Variants in MRPL33 observed in about 807,000 individuals in gnomAD.
MRPL33 encodes mitochondrial ribosomal protein L33, also known as large ribosomal subunit protein bL33m.
A neutral mutation model predicts 10.1 loss-of-function variants in MRPL33; 5 were observed. The ratio of observed to expected loss-of-function variants is 0.49; its 90% CI spans 0.26 to 1.04. The LOEUF (loss-of-function observed/expected upper bound fraction) is 1.04, where lower values mean the gene tolerates loss of function less well. Ranked by LOEUF, MRPL33 falls within the 50% of genes least tolerant of loss-of-function variation. MRPL33 has a pLI of 0.14. For missense variants in MRPL33, 79 were observed against 78.1 expected (o/e 1.01, Z -0.04); for synonymous variants, 24 against 27.7 (o/e 0.87, Z 0.42).
chr2:27,776,143 TAGTTCA>T (rs1407264470), intron 3 of MRPL33, among the ~76,000 whole-genome samples: 1 of 152,282 alleles, frequency 6.6e-6, no homozygotes, highest in Non-Finnish European at 1.5e-5. Flanking sequence ...GTTCTGATCA[TAGTTCA>T]AAGTGGGAGA....
chr2:27,774,407 G>A lies in MRPL33; in HGVS notation c.42-17G>A, dbSNP rs200575778. ...ATTTCGTCAGCTCGTACATAACAGC[G>A]TACTTTTTAATCTTAGAAACATTCT... On this transcript the variant is annotated splice_polypyrimidine_tract_variant and intron_variant, in intron 2 of 3. Coordinates refer to ENST00000296102, the MANE Select transcript of MRPL33 (RefSeq NM_004891.4). 8.5e-5 allele frequency: 136 copies of A among 1,605,266 alleles called. No homozygotes were observed. In the Admixed American group the frequency reaches 2.0e-3, roughly 23 times the overall value.
chr2:27,778,559 T>C (rs1258579337), intron 3 of MRPL33, among the ~76,000 whole-genome samples: 5 of 144,888 alleles, frequency 3.5e-5, no homozygotes, highest in Admixed American at 6.9e-5. Flanking sequence ...CAATCTTTTC[T>C]TTTTTTTTTT....
In MRPL33 at chr2:27,773,713, A is replaced by G. The variant is rs140829298; in HGVS notation, c.42-711A>G. Among the ~76,000 whole-genome samples, 186 of 152,364 alleles carry G rather than the reference A, an allele frequency of 1.2e-3. 1 individual carries two copies. The highest frequency in any genetic ancestry group is 4.2e-3 in the African/African-American group (173 of 41,590). ...TTGTCTATCTTAATTACAAACAAATACTGTATGCCTCTTATGAGGCACTGT... is the reference window on the plus strand; with the variant it reads ...TTGTCTATCTTAATTACAAACAAATGCTGTATGCCTCTTATGAGGCACTGT... On this transcript the variant is annotated intron_variant, in intron 2 of 3. Transcript: ENST00000296102.
chr2:27,778,084 A>G (rs1275148561), intron 3 of MRPL33, among the ~76,000 whole-genome samples: 2 of 152,204 alleles, frequency 1.3e-5, no homozygotes, highest in African/African-American at 4.8e-5. Context: ...AATATCATAG[A>G]TAAATTCTGT....
chr2:27,774,560 G>A, intron 3 of MRPL33, 30 bp downstream of exon 3: 1 of 1,568,640 alleles, frequency 6.4e-7, no homozygotes, highest in East Asian at 2.2e-5. Context: ...ATGCTTCCAA[G>A]GCCTGTTGCC....
intron 3 of MRPL33, among the ~76,000 whole-genome samples, chr2:27,774,893 G>T (rs775680913): frequency 1.3e-5 from 2 of 152,202 alleles, no homozygotes; most frequent in African/African-American, 2.4e-5. Context: ...ATAGTTAACC[G>T]AGACCTGAAG....
At chr2:27,777,219 G>T (rs1379942416) in intron 3 of MRPL33, among the ~76,000 whole-genome samples, 1 of 151,964 alleles carries the variant, frequency 6.6e-6, no homozygotes, top group Non-Finnish European at 1.5e-5. Context: ...TTTTTGTACA[G>T]TGTCTTCTGT....
At chr2:27,776,136 C>G (rs1335818978) in intron 3 of MRPL33, among the ~76,000 whole-genome samples, 1 of 152,222 alleles carries the variant, frequency 6.6e-6, no homozygotes, top group Non-Finnish European at 1.5e-5. Context: ...ATAAACAGTT[C>G]TGATCATAGT....
In MRPL33 at chr2:27,772,666, CA is replaced by C; in HGVS notation, c.23-2del. The stretch of plus-strand genomic sequence containing the variant: ...TTTCTTTTCCAACCCTTCCTGTCTA[CA>C]AAAAAGTTGCCAAGAGCAAGTCAAA... On this transcript the variant is annotated splice_region_variant and splice_polypyrimidine_tract_variant and intron_variant, in intron 1 of 3. Coordinates refer to ENST00000296102, the MANE Select transcript of MRPL33 (RefSeq NM_004891.4). 2 of 1,595,554 alleles carry C rather than the reference CA, an allele frequency of 1.3e-6. No homozygotes were observed. The highest frequency in any genetic ancestry group is 1.3e-5 in the African/African-American group (1 of 74,582).
At chr2:27,774,580 G>A in intron 3 of MRPL33, 50 bp downstream of exon 3, 1 of 1,439,564 alleles carries the variant, frequency 6.9e-7, no homozygotes, top group Non-Finnish European at 9.8e-7. Context: ...CCCCTTTGTA[G>A]GCTGAACATC....
At chr2:27,774,214 C>G (rs1677104383) in intron 2 of MRPL33, among the ~76,000 whole-genome samples, 1 of 152,154 alleles carries the variant, frequency 6.6e-6, no homozygotes, top group African/African-American at 2.4e-5. Flanking sequence ...TGCGAAGTAA[C>G]TCTGTGTAGT....
rs764505248 is a variant in MRPL33 at position 27,774,431 on chromosome 2, C to T, written c.49C>T (p.Leu17=). 7.0e-5 allele frequency: 113 copies of T among 1,613,788 alleles called. No homozygotes were observed. The Middle Eastern group carries it at 6.1e-3, about 87-fold the overall frequency. ...FFAKSKSKNI[L]VRMVSEAGTG... is the part of the protein sequence containing the mutation. Reference sequence around the variant, plus strand: ...CGTACTTTTTAATCTTAGAAACATTCTGGTGAGAATGGTGAGCGAAGCTGG... The same window carrying T: ...CGTACTTTTTAATCTTAGAAACATTTTGGTGAGAATGGTGAGCGAAGCTGG... Residue 17 remains leucine (L), a synonymous_variant, in exon 3 of 4, where the codon CTG becomes TTG. Coordinates refer to ENST00000296102, the MANE Select transcript of MRPL33 (RefSeq NM_004891.4).
chr2:27,779,057 GCT>G (rs2148175770), intron 3 of MRPL33, among the ~76,000 whole-genome samples: 1 of 152,306 alleles, frequency 6.6e-6, no homozygotes, highest in South Asian at 2.1e-4. Flanking sequence ...GGTTCTTGCT[GCT>G]CTCTTTCTGG....
chr2:27,779,642 G>C lies in MRPL33; in HGVS notation c.*160G>C, dbSNP rs1677240067. On this transcript the variant is annotated 3_prime_UTR_variant, in exon 4 of 4. Coordinates refer to ENST00000296102, the MANE Select transcript of MRPL33 (RefSeq NM_004891.4). ...TGTGAAGGAAAACAATGCAGTGAAA[G>C]AAAGTTCTTCATATTAGGACAGATA... 1.4e-6 allele frequency: 2 copies of C among 1,439,218 alleles called. No homozygotes were observed. Among genetic ancestry groups the C allele is most frequent in the Non-Finnish European group, 1.9e-6 (2 of 1,067,938 alleles). 89.2% of individuals were successfully genotyped at this position (1,439,218 alleles called of 1,614,324 possible). A position where few individuals can be genotyped will look rare whatever the true frequency, so the allele number is the denominator to read the frequency against.
chr2:27,779,353 T>C (rs1677232400), intron 3 of MRPL33, 80 bp from the exon 4 acceptor site: 4 of 1,441,782 alleles, frequency 2.8e-6, no homozygotes, highest in African/African-American at 1.4e-5. Flanking sequence ...TGAGGGCTTA[T>C]GGTCTGATAT....
Position 27,771,761 on chromosome 2 carries a change from G to A in MRPL33, c.-17G>A, listed in dbSNP as rs768188989. On this transcript the variant is annotated 5_prime_UTR_variant, in exon 1 of 4. Transcript: ENST00000296102. ...GGCCTTTTGGCCGGTGACGGAGACT[G>A]CCCAGGTGTGGTCACCATGTTCCTC... 11 of 1,614,054 alleles carry A rather than the reference G, an allele frequency of 6.8e-6. No homozygotes were observed. Among genetic ancestry groups the A allele is most frequent in the African/African-American group, 4.0e-5 (3 of 74,958 alleles).
intron 3 of MRPL33, among the ~76,000 whole-genome samples, chr2:27,776,638 A>G (rs999499353): frequency 6.6e-6 from 1 of 152,258 alleles, no homozygotes; most frequent in Admixed American, 6.5e-5. Flanking sequence ...AAACTTTCTT[A>G]AATATATTGA....
intron 3 of MRPL33, among the ~76,000 whole-genome samples, chr2:27,775,642 G>A (rs1369627264): frequency 9.2e-5 from 14 of 152,028 alleles, no homozygotes; most frequent in Admixed American, 2.0e-4. Context: ...GTGAGCCACC[G>A]CACCCGGCCA....
intron 3 of MRPL33, among the ~76,000 whole-genome samples, chr2:27,776,712 A>G (rs992300380): frequency 3.9e-5 from 6 of 152,270 alleles, no homozygotes; most frequent in African/African-American, 9.6e-5. Flanking sequence ...AAACAAGACA[A>G]TATAGACTGT....
Sources: allele counts gnomAD v4.1 joint callset (sites outside exome capture counted in the v4.1 genomes callset), GRCh38; gene constraint gnomAD v4.1.1; transcripts MANE v1.5; gene names NCBI Gene and HGNC (gene_info 2026-07-23, HGNC 2026-07-21).